RBMS3: variants seen among roughly 807,000 people sequenced by gnomAD.
RBMS3 encodes the protein RNA binding motif single stranded interacting protein 3.
Under a neutral mutation model 66.8 loss-of-function variants are expected in RBMS3, and 27 were observed. That is an observed-to-expected ratio of 0.40 (90% CI 0.30 to 0.56). RBMS3 has a LOEUF of 0.56. Ranked by LOEUF, RBMS3 falls within the 20% of genes least tolerant of loss-of-function variation. The pLI is 0.40. For missense variants in RBMS3, 513 were observed against 549.5 expected, an observed-to-expected ratio of 0.93 and a Z score of 0.66; for synonymous variants, 188 against 183.0, an observed-to-expected ratio of 1.03 and a Z score of -0.22.
At chr3:29,881,191 A>G (rs1182706759) in intron 7 of RBMS3, among the ~76,000 whole-genome samples, 1 of 151,898 alleles carries the variant, frequency 6.6e-6, no homozygotes, top group African/African-American at 2.4e-5. Context: ...TTGACCTCTC[A>G]TCTCCATCTG....
At chr3:29,330,798 C>G (rs1317230931) in intron 1 of RBMS3, among the ~76,000 whole-genome samples, 1 of 152,106 alleles carries the variant, frequency 6.6e-6, no homozygotes, top group Non-Finnish European at 1.5e-5. Context: ...CAGCCTTGTC[C>G]TAAGGCATTC....
intron 6 of RBMS3, among the ~76,000 whole-genome samples, chr3:29,859,988 C>G (rs1407610003): frequency 1.3e-5 from 2 of 152,258 alleles, no homozygotes; most frequent in South Asian, 2.1e-4. Flanking sequence ...CTAACAAAAC[C>G]TTTTGCAAAC....
At chr3:29,284,557 C>T (rs1002673321) in intron 1 of RBMS3, among the ~76,000 whole-genome samples, 1 of 152,048 alleles carries the variant, frequency 6.6e-6, no homozygotes, top group Non-Finnish European at 1.5e-5. Context: ...CCCTGGAATA[C>T]ATAGTAAAGT....
intron 6 of RBMS3, among the ~76,000 whole-genome samples, chr3:29,791,776 G>C (rs1028890443): frequency 1.3e-5 from 2 of 152,100 alleles, no homozygotes; most frequent in African/African-American, 4.8e-5. Context: ...TATCTCAGTA[G>C]AGATTTCCAT....
intron 6 of RBMS3, among the ~76,000 whole-genome samples, chr3:29,824,708 A>G (rs1232346489): frequency 2.6e-5 from 4 of 152,324 alleles, no homozygotes; most frequent in East Asian, 1.9e-4. Flanking sequence ...ACAAACTTGG[A>G]AATTAGTTTC....
intron 4 of RBMS3, among the ~76,000 whole-genome samples, chr3:29,636,102 G>A (rs1293290554): frequency 4.0e-5 from 6 of 151,530 alleles, no homozygotes; most frequent in African/African-American, 9.7e-5. Context: ...AATGTACACT[G>A]TGTAGATAAA....
chr3:29,354,180 G>A (rs1481135259), intron 1 of RBMS3, among the ~76,000 whole-genome samples: 1 of 151,862 alleles, frequency 6.6e-6, no homozygotes, highest in African/African-American at 2.4e-5. Context: ...CTTTCTTAGT[G>A]TTTTTCTTCA....
At chr3:29,972,609 G>C (rs1697300676) in intron 12 of RBMS3, among the ~76,000 whole-genome samples, 2 of 152,156 alleles carry the variant, frequency 1.3e-5, no homozygotes, top group Admixed American at 1.3e-4. Context: ...CCCTTTTAGA[G>C]GCTGAGCTCT....
chr3:29,429,734 A>T (rs1464756928), intron 1 of RBMS3, among the ~76,000 whole-genome samples: 1 of 152,224 alleles, frequency 6.6e-6, no homozygotes, highest in Non-Finnish European at 1.5e-5. Flanking sequence ...TAGCAAAGTC[A>T]ATTTTATCTG....
At chr3:29,879,585 A>G (rs1283513208) in intron 7 of RBMS3, among the ~76,000 whole-genome samples, 1 of 152,126 alleles carries the variant, frequency 6.6e-6, no homozygotes, top group Non-Finnish European at 1.5e-5. Flanking sequence ...TTTAATTATG[A>G]TTGTAGAAGA....
intron 3 of RBMS3, among the ~76,000 whole-genome samples, chr3:29,499,409 A>G (rs745736371): frequency 6.6e-6 from 1 of 152,208 alleles, no homozygotes; most frequent in Non-Finnish European, 1.5e-5. Flanking sequence ...AAAACAAGCT[A>G]CAAAAACCTA....
At chr3:29,652,308 T>C (rs745388219) in intron 4 of RBMS3, among the ~76,000 whole-genome samples, 39 of 152,114 alleles carry the variant, frequency 2.6e-4, no homozygotes, top group Non-Finnish European at 4.6e-4. Context: ...TGTATACTTG[T>C]AGGGAGGTGG....
chr3:29,763,252 T>G (rs1391890660), intron 6 of RBMS3, among the ~76,000 whole-genome samples: 6 of 152,088 alleles, frequency 3.9e-5, no homozygotes, highest in Non-Finnish European at 8.8e-5. Flanking sequence ...TAAAGAATGA[T>G]GTGCTGGAAG....
intron 14 of RBMS3, among the ~76,000 whole-genome samples, chr3:29,996,428 C>T (rs1214254286): frequency 2.9e-4 from 44 of 149,312 alleles, no homozygotes; most frequent in Admixed American, 5.4e-4. Flanking sequence ...CTAATAGACA[C>T]CTACAGAACT....
At chr3:29,692,055 C>A (rs537355523) in intron 4 of RBMS3, among the ~76,000 whole-genome samples, 1 of 150,246 alleles carries the variant, frequency 6.7e-6, no homozygotes, top group South Asian at 2.1e-4. Context: ...GATCTCGGCT[C>A]ACTGCAACCT....
At chr3:29,458,649 C>G (rs919944944) in intron 2 of RBMS3, among the ~76,000 whole-genome samples, 2 of 151,886 alleles carry the variant, frequency 1.3e-5, no homozygotes, top group African/African-American at 4.8e-5. Context: ...GGGTTTATTC[C>G]AAATATTTTC....
chr3:29,301,269 T>C (rs961708470), intron 1 of RBMS3, among the ~76,000 whole-genome samples: 7 of 152,016 alleles, frequency 4.6e-5, no homozygotes, highest in Non-Finnish European at 8.8e-5. Flanking sequence ...AGTGATAATT[T>C]ATCAGAAAAG....
At chr3:29,969,241 C>T (rs1044234537) in intron 12 of RBMS3, among the ~76,000 whole-genome samples, 32 of 152,274 alleles carry the variant, frequency 2.1e-4, no homozygotes, top group African/African-American at 5.5e-4. Context: ...TTGGATAATT[C>T]TACCAGAGTT....
At chr3:29,387,326 C>T (rs1021195500) in intron 1 of RBMS3, among the ~76,000 whole-genome samples, 4 of 151,952 alleles carry the variant, frequency 2.6e-5, no homozygotes, top group African/African-American at 9.7e-5. Context: ...ACCTGCTTTA[C>T]TTTCAGTCTT....
Sources: gnomAD v4.1 joint callset for allele counts (sites outside exome capture counted in the v4.1 genomes callset) on GRCh38, gnomAD v4.1.1 for gene constraint, MANE v1.5 for transcripts, NCBI Gene and HGNC (gene_info 2026-07-23, HGNC 2026-07-21) for gene names.